The following PTPRN2 variants were observed in gnomAD, a reference collection of about 807,000 sequenced individuals.
PTPRN2 encodes the protein protein tyrosine phosphatase receptor type N2.
A neutral mutation model predicts 118.8 loss-of-function variants in PTPRN2; 74 were observed. The observed-to-expected ratio is 0.62, with a 90% CI of 0.52 to 0.76. PTPRN2 has a LOEUF of 0.76. Ranked by LOEUF, PTPRN2 falls within the 30% of genes least tolerant of loss-of-function variation. The pLI is 0.00. For missense variants in PTPRN2, 1,481 were observed against 1,394.4 expected (o/e 1.06, Z -0.99); for synonymous variants, 641 against 608.0 (o/e 1.05, Z -0.80).
intron 12 of PTPRN2, among the ~76,000 whole-genome samples, chr7:157,821,430 C>T (rs918595201): frequency 4.6e-5 from 7 of 152,126 alleles, no homozygotes; most frequent in Admixed American, 2.0e-4. Context: ...CCTGAGGAAC[C>T]CAGCATTTGG....
intron 15 of PTPRN2, among the ~76,000 whole-genome samples, chr7:157,612,996 T>C (rs1802472260): frequency 6.6e-6 from 1 of 152,066 alleles, no homozygotes; most frequent in South Asian, 2.1e-4. Context: ...TTGATCTCAC[T>C]GACAGGGAGA....
intron 14 of PTPRN2, among the ~76,000 whole-genome samples, chr7:157,631,177 T>C (rs971661812): frequency 6.6e-6 from 1 of 152,138 alleles, no homozygotes; most frequent in Non-Finnish European, 1.5e-5. Flanking sequence ...TTGTTACCAA[T>C]CAAACTGTGG....
At chr7:157,700,442 C>T (rs1177225253) in intron 12 of PTPRN2, among the ~76,000 whole-genome samples, 1 of 152,210 alleles carries the variant, frequency 6.6e-6, no homozygotes, top group Non-Finnish European at 1.5e-5. Flanking sequence ...TGACGACAGC[C>T]TGTCCTGAAT....
chr7:158,443,349 G>C (rs888304083), intron 2 of PTPRN2, among the ~76,000 whole-genome samples: 3 of 152,230 alleles, frequency 2.0e-5, no homozygotes, highest in Non-Finnish European at 4.4e-5. Flanking sequence ...GAAATCCAAG[G>C]GTAGGTTTAT....
intron 11 of PTPRN2, among the ~76,000 whole-genome samples, chr7:158,043,257 T>C (rs1467072299): frequency 6.6e-6 from 1 of 152,200 alleles, no homozygotes; most frequent in Non-Finnish European, 1.5e-5. Flanking sequence ...TTTCCTCTAA[T>C]CTAAGGGAGC....
At chr7:157,549,362 C>T (rs1798481489) in intron 21 of PTPRN2, among the ~76,000 whole-genome samples, 1 of 150,148 alleles carries the variant, frequency 6.7e-6, no homozygotes, top group Non-Finnish European at 1.5e-5. Flanking sequence ...AATGTAGTAC[C>T]TCATAGGGAG....
In PTPRN2 at chr7:158,574,957, TCTC is replaced by T. The variant is rs1381670311; in HGVS notation, c.112+12598_112+12600del. ...GCCACCACCAGACTACTCACCCTCT[TCTC>T]CTTCAGGCTGCAAATTAAAACAGAC... On this transcript the variant is annotated intron_variant, in intron 1 of 22. Coordinates refer to ENST00000389418, the MANE Select transcript of PTPRN2 (RefSeq NM_002847.5). This position sits in a 1 kb window ranked among gnomAD's most constrained non-coding sequence, Gnocchi z 4.6. 1.3e-5 allele frequency among the ~76,000 whole-genome samples: 2 copies of T among 152,214 alleles called. No homozygotes were observed. Among genetic ancestry groups the T allele is most frequent in the Non-Finnish European group, 2.9e-5 (2 of 68,046 alleles).
At chr7:158,224,467 A>T (rs543391878) in intron 3 of PTPRN2, among the ~76,000 whole-genome samples, 44 of 152,328 alleles carry the variant, frequency 2.9e-4, no homozygotes, top group Admixed American at 2.6e-4. Flanking sequence ...TTTGACAAAG[A>T]TGCATAAACA....
At position 158,555,552 on chromosome 7, in the gene PTPRN2, G is replaced by C. The variant is rs1247857421; in HGVS notation, c.112+32006C>G. ...CTGCCCTTTCGTTCTCTCCCATTGTGCCCTTGGCAGAAGAATATATTTCCA... is the reference window on the plus strand; with the variant it reads ...CTGCCCTTTCGTTCTCTCCCATTGTCCCCTTGGCAGAAGAATATATTTCCA... On this transcript the variant is annotated intron_variant, in intron 1 of 22. Transcript: ENST00000389418. This position sits in a 1 kb window ranked among gnomAD's most constrained non-coding sequence, Gnocchi z 4.7. Among the ~76,000 whole-genome samples the C allele has an allele frequency of 6.6e-6, 1 of 152,142 alleles. No individual in the cohort carries two copies. The highest frequency in any genetic ancestry group is 1.5e-5 in the Non-Finnish European group (1 of 68,030).
At chr7:158,176,288 C>A (rs1034461478) in intron 5 of PTPRN2, among the ~76,000 whole-genome samples, 1 of 152,278 alleles carries the variant, frequency 6.6e-6, no homozygotes, top group South Asian at 2.1e-4. Context: ...GTCATCGCCA[C>A]GGGGCTCTTA....
chr7:157,957,888 T>A (rs1801283310), intron 11 of PTPRN2, among the ~76,000 whole-genome samples: 1 of 152,224 alleles, frequency 6.6e-6, no homozygotes, highest in Admixed American at 6.5e-5. Flanking sequence ...TAACTAATCC[T>A]GTGAGTCCAG....
chr7:157,679,993 G>C (rs1313034301), intron 13 of PTPRN2, among the ~76,000 whole-genome samples: 2 of 152,166 alleles, frequency 1.3e-5, no homozygotes, highest in African/African-American at 4.8e-5. Context: ...CTCTGCTCCT[G>C]ACCTTCCTTT....
intron 12 of PTPRN2, among the ~76,000 whole-genome samples, chr7:157,885,134 C>A (rs1257517476): frequency 6.6e-6 from 1 of 152,166 alleles, no homozygotes; most frequent in East Asian, 1.9e-4. Context: ...AGGCCACTGG[C>A]TCAAGCAAAA....
At chr7:158,332,529 T>C (rs1172830971) in intron 2 of PTPRN2, among the ~76,000 whole-genome samples, 1 of 146,304 alleles carries the variant, frequency 6.8e-6, no homozygotes, top group Non-Finnish European at 1.5e-5. Flanking sequence ...CACAAAGAGG[T>C]CACTCACATC....
chr7:158,463,561 T>C (rs1363453290), intron 2 of PTPRN2, among the ~76,000 whole-genome samples: 3 of 151,992 alleles, frequency 2.0e-5, no homozygotes, highest in Non-Finnish European at 4.4e-5. Context: ...ACCATCCTCA[T>C]TGTCATCATC....
At chr7:158,188,974 A>G (rs1563578545) in intron 5 of PTPRN2, among the ~76,000 whole-genome samples, 1 of 152,188 alleles carries the variant, frequency 6.6e-6, no homozygotes, top group East Asian at 1.9e-4. Flanking sequence ...GCATCCCAGG[A>G]CATGCAGTAC....
At chr7:158,286,588 G>A (rs1173058815) in intron 3 of PTPRN2, among the ~76,000 whole-genome samples, 4 of 152,106 alleles carry the variant, frequency 2.6e-5, no homozygotes, top group African/African-American at 2.4e-5. Context: ...TTTGTTGTAT[G>A]TTTTTTATAC....
At position 158,166,947 on chromosome 7, in the gene PTPRN2, G is replaced by C; in HGVS notation, c.894C>G (p.Pro298=). Residue 298 remains proline, a synonymous_variant, in exon 6 of 23, where the codon CCC becomes CCG. Transcript: ENST00000389418. ...CTGGCTCACCATCGCCTGTGCTGGA[G>C]GGGTCTTCGGAATCTCCCAGAGGTG... ...WPSPLGDSED[P]SSTGDGARIH... is the part of the protein sequence containing the mutation. 2.1e-6 allele frequency: 3 copies of C among 1,444,752 alleles called. No individual in the cohort carries two copies. The highest frequency in any genetic ancestry group is 1.8e-6 in the Non-Finnish European group (2 of 1,094,356). 89.5% of individuals were successfully genotyped at this position (1,444,752 alleles called of 1,614,324 possible). A position where few individuals can be genotyped will look rare whatever the true frequency, so the allele number is the denominator to read the frequency against.
intron 6 of PTPRN2, among the ~76,000 whole-genome samples, chr7:158,146,607 G>A (rs965690795): frequency 6.6e-6 from 1 of 150,376 alleles, no homozygotes; most frequent in Non-Finnish European, 1.5e-5. Flanking sequence ...TGTAGTCCCA[G>A]CTACTCAGGA....
Sources: gnomAD v4.1 joint callset for allele counts (sites outside exome capture counted in the v4.1 genomes callset) on GRCh38, gnomAD v4.1.1 for gene constraint, Gnocchi (gnomAD v3.1) non-coding constraint, MANE v1.5 for transcripts, NCBI Gene and HGNC (gene_info 2026-07-23, HGNC 2026-07-21) for gene names.